The following STAG1 variants were observed in gnomAD, a reference collection of about 807,000 sequenced individuals.
STAG1 encodes the protein STAG1 cohesin complex component.
Under a neutral mutation model 170.9 loss-of-function variants are expected in STAG1, and 26 were observed. That is an observed-to-expected ratio of 0.15 (90% CI 0.11 to 0.21). STAG1 has a LOEUF of 0.21. Ranked by LOEUF, STAG1 falls within the 10% of genes least tolerant of loss-of-function variation. The pLI, the probability that STAG1 is intolerant of heterozygous loss-of-function variation, is 1.00. For missense variants in STAG1, 964 were observed against 1,509.5 expected, an observed-to-expected ratio of 0.64 and a Z score of 5.99; for synonymous variants, 514 against 497.7, an observed-to-expected ratio of 1.03 and a Z score of -0.44.
chr3:136,477,917 G>A (rs2089795667), intron 9 of STAG1, among the ~76,000 whole-genome samples: 1 of 152,118 alleles, frequency 6.6e-6, no homozygotes, highest in Non-Finnish European at 1.5e-5. Context: ...AGCCACCCAA[G>A]TAGCTGAGAC....
At chr3:136,442,491 C>T (rs1309397832) in intron 15 of STAG1, among the ~76,000 whole-genome samples, 1 of 152,146 alleles carries the variant, frequency 6.6e-6, no homozygotes, top group East Asian at 1.9e-4. Flanking sequence ...AAGATGCATA[C>T]TTCAAAAATT....
intron 14 of STAG1, among the ~76,000 whole-genome samples, chr3:136,443,862 A>T (rs1052273243): frequency 6.6e-6 from 1 of 152,200 alleles, no homozygotes; most frequent in Admixed American, 6.5e-5. Context: ...AAAGTAAAAA[A>T]TACAAGTTAC....
rs1308561675 is a variant in STAG1 at position 136,723,946 on chromosome 3, C to G, written c.-84+28249G>C. Among the ~76,000 whole-genome samples, 4 of 147,834 alleles carry G rather than the reference C, an allele frequency of 2.7e-5. No individual in the cohort carries two copies. The East Asian group carries it at 6.2e-4, about 23-fold the overall frequency. ...GAGTGAGGTGGGGGGGTCAGCCCCC[C>G]GCCAGGCCAGCCGCCCCGACCAGGA... On this transcript the variant is annotated intron_variant, in intron 1 of 33. Transcript: ENST00000383202.
At chr3:136,668,525 C>T (rs1043909723) in intron 1 of STAG1, among the ~76,000 whole-genome samples, 47 of 151,032 alleles carry the variant, frequency 3.1e-4, no homozygotes, top group African/African-American at 1.1e-3. Context: ...GAAATGCCTA[C>T]GAAGAATGAA....
chr3:136,367,037 T>C lies in STAG1; in HGVS notation c.2591A>G (p.Lys864Arg). The change falls in exon 25 of 34, where the codon AAA becomes AGA. Residue 864 changes from lysine to arginine, a missense_variant. Coordinates refer to ENST00000383202, the MANE Select transcript of STAG1 (RefSeq NM_005862.3). ...GAAAGCAGCAAGTAGATTCCTTCTTTTATGTAAGGCCTCAATTTTATTAGC... is the reference window on the plus strand; with the variant it reads ...GAAAGCAGCAAGTAGATTCCTTCTTCTATGTAAGGCCTCAATTTTATTAGC... ...DEANKIEALH[K>R]RRNLLAAFSK... 6.2e-7 allele frequency: 1 copy of C among 1,611,118 alleles called. No homozygotes were observed. Among genetic ancestry groups the C allele is most frequent in the Non-Finnish European group, 8.5e-7 (1 of 1,177,938 alleles).
intron 25 of STAG1, among the ~76,000 whole-genome samples, chr3:136,365,506 C>A (rs759664478): frequency 6.6e-6 from 1 of 152,080 alleles, no homozygotes; most frequent in East Asian, 1.9e-4. Flanking sequence ...GGAAAATTAA[C>A]CCCTCCTCCA....
chr3:136,576,293 C>T (rs1469437699), intron 4 of STAG1, among the ~76,000 whole-genome samples: 2 of 152,150 alleles, frequency 1.3e-5, no homozygotes, highest in African/African-American at 2.4e-5. Context: ...CTCTCTCACA[C>T]ACACATACAT....
chr3:136,340,387 G>A, intron 32 of STAG1, 104 bp downstream of exon 32: 3 of 712,694 alleles, frequency 4.2e-6, no homozygotes, highest in Non-Finnish European at 7.3e-6. Context: ...CTCCCAAAGT[G>A]CTGGGATTAC....
At chr3:136,598,147 C>T (rs766142870) in intron 4 of STAG1, among the ~76,000 whole-genome samples, 1 of 152,080 alleles carries the variant, frequency 6.6e-6, no homozygotes, top group Non-Finnish European at 1.5e-5. Flanking sequence ...ACCTTCTGGT[C>T]CTAAAGTTTT....
At chr3:136,720,681 C>G (rs1164237922) in intron 1 of STAG1, among the ~76,000 whole-genome samples, 1 of 151,866 alleles carries the variant, frequency 6.6e-6, no homozygotes, top group African/African-American at 2.4e-5. Context: ...TCCTGCTACT[C>G]GGGAGGTTGA....
chr3:136,568,402 A>C (rs1937155674), intron 5 of STAG1, among the ~76,000 whole-genome samples: 1 of 152,182 alleles, frequency 6.6e-6, no homozygotes, highest in South Asian at 2.1e-4. Context: ...CAGGGATATA[A>C]AAGAATGAAT....
At chr3:136,543,216 A>G (rs1308384954) in intron 5 of STAG1, among the ~76,000 whole-genome samples, 1 of 152,200 alleles carries the variant, frequency 6.6e-6, no homozygotes, top group African/African-American at 2.4e-5. Flanking sequence ...TGCACTTTAA[A>G]AATTTGAACT....
intron 5 of STAG1, among the ~76,000 whole-genome samples, chr3:136,544,265 A>T (rs775505432): frequency 2.6e-5 from 4 of 152,130 alleles, no homozygotes; most frequent in Non-Finnish European, 5.9e-5. Context: ...AGTTTAGAGA[A>T]ATGTCTCAAC....
chr3:136,710,317 GA>G (rs1943348028), intron 1 of STAG1, among the ~76,000 whole-genome samples: 1 of 152,124 alleles, frequency 6.6e-6, no homozygotes, highest in African/African-American at 2.4e-5. Context: ...TGGTTTTCCA[GA>G]AACTAAGCTG....
chr3:136,601,578 G>C (rs950505725), intron 4 of STAG1, among the ~76,000 whole-genome samples: 2 of 152,126 alleles, frequency 1.3e-5, no homozygotes, highest in South Asian at 2.1e-4. Context: ...ACTTTGGGAG[G>C]GTGAGGCGGG....
At chr3:136,535,526 A>G (rs1206335830) in intron 6 of STAG1, among the ~76,000 whole-genome samples, 1 of 152,090 alleles carries the variant, frequency 6.6e-6, no homozygotes, top group East Asian at 1.9e-4. Flanking sequence ...AGCTAGGCAC[A>G]GTGGCACAAG....
intron 32 of STAG1, 43 bp from the exon 33 acceptor site, chr3:136,338,493 T>G: frequency 7.1e-7 from 1 of 1,402,206 alleles, no homozygotes; most frequent in Non-Finnish European, 1.0e-6. Context: ...CTGAGATCAT[T>G]AAGACAATGA....
chr3:136,634,471 A>C (rs1940470329), intron 1 of STAG1, among the ~76,000 whole-genome samples: 1 of 152,122 alleles, frequency 6.6e-6, no homozygotes, highest in Non-Finnish European at 1.5e-5. Flanking sequence ...TAACAACAGA[A>C]TCTCAAAATT....
intron 21 of STAG1, among the ~76,000 whole-genome samples, chr3:136,412,970 C>T (rs978809340): frequency 4.7e-5 from 7 of 150,264 alleles, no homozygotes; most frequent in African/African-American, 7.3e-5. Flanking sequence ...TCAAGTGATT[C>T]GAGTGCCTCA....
Sources: gnomAD v4.1 joint callset for allele counts (sites outside exome capture counted in the v4.1 genomes callset) on GRCh38, gnomAD v4.1.1 for gene constraint, MANE v1.5 for transcripts, NCBI Gene and HGNC (gene_info 2026-07-23, HGNC 2026-07-21) for gene names.